The following STK3 variants were observed in gnomAD, a reference collection of about 807,000 sequenced individuals.
STK3 encodes serine/threonine-protein kinase 3.
A neutral mutation model predicts 58.0 loss-of-function variants in STK3; 41 were observed. That is an observed-to-expected ratio of 0.71 (90% CI 0.55 to 0.92). The LOEUF is 0.92. STK3 is among the 40% of genes least tolerant of loss of function. STK3 has a pLI of 0.00. For missense variants in STK3, 479 were observed against 602.7 expected, an observed-to-expected ratio of 0.79 and a Z score of 2.15; for synonymous variants, 170 against 191.0, an observed-to-expected ratio of 0.89 and a Z score of 0.91.
intron 7 of STK3, among the ~76,000 whole-genome samples, chr8:98,581,575 G>A (rs1813888250): frequency 6.6e-6 from 1 of 151,866 alleles, no homozygotes; most frequent in Non-Finnish European, 1.5e-5. Context: ...TAGTTTTCTT[G>A]GTGGTGTTTG....
intron 1 of STK3, among the ~76,000 whole-genome samples, chr8:98,923,850 T>TGC (rs1210763605): frequency 1.4e-3 from 169 of 121,612 alleles, no homozygotes; most frequent in African/African-American, 5.4e-3. Flanking sequence ...TGTGTGTGTG[T>TGC]GTGTGCGCGC....
At chr8:98,621,551 C>T (rs1051290960) in intron 6 of STK3, among the ~76,000 whole-genome samples, 2 of 152,116 alleles carry the variant, frequency 1.3e-5, no homozygotes, top group Non-Finnish European at 2.9e-5. Flanking sequence ...AGGTATTCTT[C>T]ATCAAATTGA....
Position 98,428,924 on chromosome 8 carries a change from C to T in STK3, n.483+5203G>A. On this transcript the variant is annotated intron_variant and non_coding_transcript_variant, in intron 3 of 3. Coordinates refer to the STK3 transcript ENST00000517832. This position sits in a 1 kb window ranked among gnomAD's most constrained non-coding sequence, Gnocchi z 6.7. ...AGCTGGCCAGGCACTCCACTGGCCTCCGCTCCCTGGGGGCCACTTTGAAAT... is the reference window on the plus strand; with the variant it reads ...AGCTGGCCAGGCACTCCACTGGCCTTCGCTCCCTGGGGGCCACTTTGAAAT... 1.9e-6 allele frequency: 3 copies of T among 1,614,150 alleles called. No homozygotes were observed. The highest frequency in any genetic ancestry group is 2.5e-6 in the Non-Finnish European group (3 of 1,180,024).
chr8:98,633,509 C>A (rs1819409456), intron 6 of STK3: 1 of 657,206 alleles, frequency 1.5e-6, no homozygotes, highest in East Asian at 2.8e-5. Flanking sequence ...GTTGGCTTTG[C>A]CAGCTCAGGA....
At chr8:98,926,126 A>G (rs1325565088) in intron 1 of STK3, among the ~76,000 whole-genome samples, 1 of 152,204 alleles carries the variant, frequency 6.6e-6, no homozygotes, top group Non-Finnish European at 1.5e-5. Context: ...AGAACCACAT[A>G]TAAGGACAAA....
downstream of STK3, chr8:98,880,645 G>A (rs1354022032): frequency 6.6e-6 from 1 of 152,128 alleles, no homozygotes; most frequent in African/African-American, 2.4e-5. Flanking sequence ...TTGCATATCT[G>A]ATAAAGGATG....
rs1210376879 is a variant in STK3, at chr8:98,455,722, C to T, written c.*120G>A. 6.3e-6 allele frequency: 8 copies of T among 1,267,910 alleles called. No individual in the cohort carries two copies. The highest frequency in any genetic ancestry group is 1.5e-5 in the African/African-American group (1 of 66,138). 78.5% of individuals were successfully genotyped at this position (1,267,910 alleles called of 1,614,324 possible). A position where few individuals can be genotyped will look rare whatever the true frequency, so the allele number is the denominator to read the frequency against. ...TTTACCTGGGCATGTACCATTGTCACTTTTTGACCTCTGCCTAATTGTAGG... is the reference window on the plus strand; with the variant it reads ...TTTACCTGGGCATGTACCATTGTCATTTTTTGACCTCTGCCTAATTGTAGG... On this transcript the variant is annotated 3_prime_UTR_variant, in exon 11 of 11. Coordinates refer to ENST00000419617, the MANE Select transcript of STK3 (RefSeq NM_006281.4).
intron 1 of STK3, among the ~76,000 whole-genome samples, chr8:98,893,120 G>T (rs191209592): frequency 6.6e-6 from 1 of 152,206 alleles, no homozygotes; most frequent in East Asian, 1.9e-4. Flanking sequence ...GGGCACGGTG[G>T]CTCATGCCTG....
At chr8:98,637,341 C>T (rs961728011) in intron 6 of STK3, among the ~76,000 whole-genome samples, 1 of 152,008 alleles carries the variant, frequency 6.6e-6, no homozygotes, top group Non-Finnish European at 1.5e-5. Context: ...AGGTCACTTG[C>T]TTTTTACTGA....
At position 98,526,899 on chromosome 8, in the gene STK3, T is replaced by C. The variant is rs763253379; in HGVS notation, c.1160A>G (p.Gln387Arg). 1.3e-6 allele frequency: 2 copies of C among 1,567,836 alleles called. No individual in the cohort carries two copies. Among genetic ancestry groups the C allele is most frequent in the Non-Finnish European group, 1.7e-6 (2 of 1,154,916 alleles). Residue 387 changes from glutamine (Q) to arginine (R), a missense_variant, in exon 10 of 11, where the codon CAA becomes CGA. Gln to Arg is a conservative substitution (Grantham distance 43). This residue lies in a region of STK3 where 309 missense variants were observed against 355.7 expected (regional missense o/e 0.87). Transcript: ENST00000419617. ...GTMKRNATSP[Q>R]VQRPSFMDYF... ...GTCCATGAAAGATGGTCTTTGTACT[T>C]GTGGTGAGGTTGCATTTCCTTAGGT... is the stretch of plus-strand genomic sequence containing the variant.
At chr8:98,397,045 G>C (rs936648420), downstream of STK3, among the ~76,000 whole-genome samples, 1 of 152,312 alleles carries the variant, frequency 6.6e-6, no homozygotes, top group South Asian at 2.1e-4. Flanking sequence ...TCAAATTAAT[G>C]ACAGAGTCTG....
chr8:98,840,640 C>A (rs867552798), intron 3 of STK3, among the ~76,000 whole-genome samples: 1 of 116,838 alleles, frequency 8.6e-6, no homozygotes, highest in Non-Finnish European at 1.8e-5. Context: ...CACACACATA[C>A]GTTTTATATA....
intron 3 of STK3, among the ~76,000 whole-genome samples, chr8:98,864,230 A>T (rs951549355): frequency 6.7e-6 from 1 of 149,692 alleles, no homozygotes; most frequent in Non-Finnish European, 1.5e-5. Context: ...AAAAAGTCTC[A>T]ATCAGCTGGA....
chr8:98,674,855 T>G (rs1006059568), intron 6 of STK3, among the ~76,000 whole-genome samples: 3 of 152,244 alleles, frequency 2.0e-5, no homozygotes, highest in African/African-American at 7.2e-5. Context: ...AATGTTTATC[T>G]TATAAATTTC....
downstream of STK3, among the ~76,000 whole-genome samples, chr8:98,398,216 T>G (rs1056750429): frequency 6.6e-6 from 1 of 152,124 alleles, no homozygotes; most frequent in Non-Finnish European, 1.5e-5. Flanking sequence ...AATCTTTGTT[T>G]CCAGACCCGA....
At chr8:98,889,052 T>C (rs924003612) in intron 1 of STK3, among the ~76,000 whole-genome samples, 2 of 152,138 alleles carry the variant, frequency 1.3e-5, no homozygotes, top group Admixed American at 1.3e-4. Context: ...GCCAGCCCAA[T>C]ATAACTTAAA....
At chr8:98,443,416 T>G (rs1453455732) in intron 1 of STK3, among the ~76,000 whole-genome samples, 1 of 152,152 alleles carries the variant, frequency 6.6e-6, no homozygotes, top group Non-Finnish European at 1.5e-5. Context: ...TGTTCATGAG[T>G]TTGCTTGTCT....
chr8:98,931,903 T>C (rs145078717), intron 1 of STK3, among the ~76,000 whole-genome samples: 209 of 152,328 alleles, frequency 1.4e-3, no homozygotes, highest in Admixed American at 2.9e-3. Context: ...GGAATGTTGT[T>C]CCTTTTAACC....
At position 98,697,833 on chromosome 8, in the gene STK3, T is replaced by C. The variant is rs141770641; in HGVS notation, c.684+8634A>G. ...GTGGTGCGGTGCTGAAAAGAATGTA[T>C]ATTCTGTTGATTTGGGGTGGAGAGT... On this transcript the variant is annotated intron_variant, in intron 6 of 10. Coordinates refer to ENST00000419617, the MANE Select transcript of STK3 (RefSeq NM_006281.4). Among the ~76,000 whole-genome samples the C allele has an allele frequency of 9.2e-5, 14 of 152,346 alleles. No homozygotes were observed. In the East Asian group the frequency reaches 2.7e-3, roughly 29 times the overall value.
Sources: gnomAD v4.1 joint callset for allele counts (sites outside exome capture counted in the v4.1 genomes callset) on GRCh38, gnomAD v4.1.1 for gene constraint, gnomAD v4.1.1 regional missense constraint, Gnocchi (gnomAD v3.1) non-coding constraint, MANE v1.5 for transcripts, NCBI Gene and HGNC (gene_info 2026-07-23, HGNC 2026-07-21) for gene names.